HIPK3: variants seen among roughly 807,000 people sequenced by gnomAD.
HIPK3 encodes the protein homeodomain-interacting protein kinase 3.
HIPK3 carries 47 observed loss-of-function variants against 124.2 expected under a neutral mutation model. That is an observed-to-expected ratio of 0.38 (90% CI 0.30 to 0.48). The LOEUF (loss-of-function observed/expected upper bound fraction) is 0.48, where lower values mean the gene tolerates loss of function less well. Ranked by LOEUF, HIPK3 falls within the 20% of genes least tolerant of loss-of-function variation. The pLI is 0.98. For synonymous variants in HIPK3, 482 were observed against 515.2 expected, an observed-to-expected ratio of 0.94 and a Z score of 0.87; for missense variants, 1,286 against 1,454.3, an observed-to-expected ratio of 0.88 and a Z score of 1.88.
chr11:33,269,501 A>G (rs1452694955), intron 1 of HIPK3, among the ~76,000 whole-genome samples: 23 of 152,002 alleles, frequency 1.5e-4, no homozygotes, highest in Admixed American at 1.4e-3. Flanking sequence ...AGGTAAAATT[A>G]TATATATTTA....
rs1490286305 is a variant in HIPK3, at chr11:33,355,613, A to G, written c.*2045A>G. 1 of 152,030 alleles carries G rather than the reference A, an allele frequency of 6.6e-6. No individual in the cohort carries two copies. Among genetic ancestry groups the G allele is most frequent in the African/African-American group, 2.4e-5 (1 of 41,446 alleles). The allele number at this position is 152,030 out of a possible 1,614,324, so 9.4% of individuals were successfully genotyped here. On this transcript the variant is annotated 3_prime_UTR_variant, in exon 17 of 17. Transcript: ENST00000303296. ...GTACAGCGTTCACAATAAGCTAATA[A>G]TGGATAAGTTTTCTTCACTCCATTA...
Position 33,351,765 on chromosome 11 carries a change from C to T in HIPK3, c.2965C>T (p.Pro989Ser). The T allele has an allele frequency of 6.2e-7, 1 of 1,614,160 alleles. No individual in the cohort carries two copies. The highest frequency in any genetic ancestry group is 8.5e-7 in the Non-Finnish European group (1 of 1,180,022). ...ATCCTCTGCTGACACAGAAACCAAGCCAGCTGTCTGTTCTGTTGTGGTGCC... is the reference window on the plus strand; with the variant it reads ...ATCCTCTGCTGACACAGAAACCAAGTCAGCTGTCTGTTCTGTTGTGGTGCC... Reference protein sequence around the residue: ...LVSSADTETKPAVCSVVVPPV... With the variant: ...LVSSADTETKSAVCSVVVPPV... The change falls in exon 15 of 17, where the codon CCA becomes TCA. Residue 989 changes from proline to serine, a missense_variant. By Grantham distance (74) the Pro-to-Ser change is moderately conservative. Coordinates refer to ENST00000303296, the MANE Select transcript of HIPK3 (RefSeq NM_005734.5).
chr11:33,343,571 C>T (rs866910139), intron 8 of HIPK3, among the ~76,000 whole-genome samples: 4 of 152,148 alleles, frequency 2.6e-5, no homozygotes, highest in Admixed American at 2.6e-4. Context: ...TTAGCCGCTG[C>T]GCCCAGCCTC....
intron 2 of HIPK3, among the ~76,000 whole-genome samples, chr11:33,322,963 C>T (rs188190723): frequency 2.2e-4 from 33 of 152,304 alleles, no homozygotes; most frequent in African/African-American, 6.0e-4. Context: ...CTACTCTGAC[C>T]TTCCTGAGCA....
Position 33,356,342 on chromosome 11 carries a change from A to G in HIPK3, c.*2774A>G, listed in dbSNP as rs1011322953. 1 of 152,072 alleles carries G rather than the reference A, an allele frequency of 6.6e-6. No individual in the cohort carries two copies. Among genetic ancestry groups the G allele is most frequent in the African/African-American group, 2.4e-5 (1 of 41,446 alleles). 9.4% of individuals were successfully genotyped at this position (152,072 alleles called of 1,614,324 possible). A position where few individuals can be genotyped will look rare whatever the true frequency, so the allele number is the denominator to read the frequency against. Reference sequence around the variant, plus strand: ...TTCTGCTAAATTCTTAATTTAGCATATTGACAAAGTAATCTGGATTTATAC... The same window carrying G: ...TTCTGCTAAATTCTTAATTTAGCATGTTGACAAAGTAATCTGGATTTATAC... On this transcript the variant is annotated 3_prime_UTR_variant, in exon 17 of 17. Transcript: ENST00000303296.
chr11:33,260,007 C>T (rs539688238), intron 1 of HIPK3, among the ~76,000 whole-genome samples: 1 of 152,234 alleles, frequency 6.6e-6, no homozygotes, highest in East Asian at 1.9e-4. Context: ...GTCAGCCTTA[C>T]TTAGTTTATT....
At chr11:33,304,522 A>C (rs1462487108) in intron 2 of HIPK3, among the ~76,000 whole-genome samples, 1 of 151,482 alleles carries the variant, frequency 6.6e-6, no homozygotes, top group African/African-American at 2.4e-5. Context: ...ATGCCATTGC[A>C]CTCCAGCCTG....
At chr11:33,316,484 T>C (rs750430409) in intron 2 of HIPK3, among the ~76,000 whole-genome samples, 1 of 152,202 alleles carries the variant, frequency 6.6e-6, no homozygotes, top group Non-Finnish European at 1.5e-5. Context: ...CCAATATTTC[T>C]TTCCCCCTGA....
chr11:33,352,767 T>C (rs1469044145), intron 16 of HIPK3, among the ~76,000 whole-genome samples: 2 of 152,204 alleles, frequency 1.3e-5, no homozygotes, highest in African/African-American at 4.8e-5. Context: ...TAACATTGTG[T>C]ATGTAAATGT....
At chr11:33,329,885 T>C (rs1198901886) in intron 3 of HIPK3, among the ~76,000 whole-genome samples, 1 of 152,218 alleles carries the variant, frequency 6.6e-6, no homozygotes, top group Non-Finnish European at 1.5e-5. Context: ...CTTGGCTTTG[T>C]AGATTAGCCT....
At chr11:33,326,113 A>C (rs1852803910) in intron 2 of HIPK3, among the ~76,000 whole-genome samples, 1 of 152,192 alleles carries the variant, frequency 6.6e-6, no homozygotes, top group Non-Finnish European at 1.5e-5. Context: ...AGTAGAAAAC[A>C]GCTTGTTCAT....
intron 11 of HIPK3, 61 bp from the exon 12 acceptor site, chr11:33,348,105 A>C (rs1302185136): frequency 6.2e-7 from 1 of 1,603,304 alleles, no homozygotes; most frequent in East Asian, 2.2e-5. Flanking sequence ...GTTGTATTCA[A>C]AATGACCTCT....
At chr11:33,344,438 A>G (rs1853434325) in intron 8 of HIPK3, among the ~76,000 whole-genome samples, 2 of 152,222 alleles carry the variant, frequency 1.3e-5, no homozygotes, top group Non-Finnish European at 2.9e-5. Flanking sequence ...TTCTTTGGCA[A>G]AAACTTAAAG....
rs765511533 is a variant in HIPK3 at position 33,337,124 on chromosome 11, A to G, written c.1271A>G (p.Asn424Ser). ...TQGLPGEQLL[N>S]VGTKSTRFFC... ...GGTTTGCCAGGAGAACAGTTGTTAA[A>G]TGTGGGTACTAAATCCACAAGATTT... is the stretch of plus-strand genomic sequence containing the variant. Residue 424 changes from asparagine (N) to serine (S), a missense_variant, in exon 4 of 17, where the codon AAT becomes AGT. Asn to Ser is a conservative substitution (Grantham distance 46). Around this residue, in one of 3 missense-constraint regions of HIPK3, gnomAD observed 251 missense variants for 349.1 expected, o/e 0.72. Coordinates refer to ENST00000303296, the MANE Select transcript of HIPK3 (RefSeq NM_005734.5). 4 of 1,596,588 alleles carry G rather than the reference A, an allele frequency of 2.5e-6. No individual in the cohort carries two copies. The African/African-American group carries it at 5.4e-5, about 21-fold the overall frequency.
intron 1 of HIPK3, among the ~76,000 whole-genome samples, chr11:33,277,157 A>C (rs1307017591): frequency 6.6e-6 from 1 of 152,198 alleles, no homozygotes; most frequent in Non-Finnish European, 1.5e-5. Context: ...ACTGTCATCC[A>C]GTGTGCAAAA....
chr11:33,317,226 C>A (rs1239580466), intron 2 of HIPK3, among the ~76,000 whole-genome samples: 5 of 151,264 alleles, frequency 3.3e-5, no homozygotes, highest in Non-Finnish European at 2.9e-5. Context: ...CCTGCCTCAG[C>A]CTCCCAAAGT....
rs1375926580 is a variant in HIPK3, at chr11:33,356,646, T to G, written c.*3078T>G. ...CATACACTGCAAGGTGTAGGAAGATTTGTTTTAATGAATCCAATGATACAG... is the reference window on the plus strand; with the variant it reads ...CATACACTGCAAGGTGTAGGAAGATGTGTTTTAATGAATCCAATGATACAG... On this transcript the variant is annotated 3_prime_UTR_variant, in exon 17 of 17. Coordinates refer to ENST00000303296, the MANE Select transcript of HIPK3 (RefSeq NM_005734.5). 6.6e-6 allele frequency: 1 copy of G among 152,122 alleles called. No individual in the cohort carries two copies. Among genetic ancestry groups the G allele is most frequent in the Non-Finnish European group, 1.5e-5 (1 of 67,954 alleles). The allele number at this position is 152,122 out of a possible 1,614,324, so 9.4% of individuals were successfully genotyped here. A position where few individuals can be genotyped will look rare whatever the true frequency, so the allele number is the denominator to read the frequency against.
At chr11:33,280,381 C>T (rs908121518) in intron 1 of HIPK3, among the ~76,000 whole-genome samples, 8 of 152,106 alleles carry the variant, frequency 5.3e-5, no homozygotes, top group African/African-American at 1.2e-4. Context: ...ACTAGCAAGT[C>T]GTGAGTATGT....
At chr11:33,342,682 G>T (rs1853372175) in intron 8 of HIPK3, among the ~76,000 whole-genome samples, 1 of 152,042 alleles carries the variant, frequency 6.6e-6, no homozygotes, top group South Asian at 2.1e-4. Context: ...CGAGTAGCTG[G>T]GAAGCTGGGA....
Sources: allele counts gnomAD v4.1 joint callset (sites outside exome capture counted in the v4.1 genomes callset), GRCh38; gene constraint gnomAD v4.1.1; regional missense constraint gnomAD v4.1.1; transcripts MANE v1.5; gene names NCBI Gene and HGNC (gene_info 2026-07-23, HGNC 2026-07-21).